SAMD3: variants seen among roughly 807,000 people sequenced by gnomAD.
SAMD3 encodes sterile alpha motif domain-containing protein 3.
Under a neutral mutation model 58.5 loss-of-function variants are expected in SAMD3, and 63 were observed. The ratio of observed to expected loss-of-function variants is 1.08; its 90% CI spans 0.88 to 1.33. SAMD3 has a LOEUF of 1.33. SAMD3 is among the 40% of genes most tolerant of loss of function. The probability of loss-of-function intolerance (pLI) is 0.00; values close to 1 mark genes in which losing one functional copy is unlikely to be tolerated. For missense variants in SAMD3, 604 were observed against 608.4 expected, an observed-to-expected ratio of 0.99 and a Z score of 0.08; for synonymous variants, 220 against 210.3, an observed-to-expected ratio of 1.05 and a Z score of -0.40.
At chr6:130,203,460 C>T (rs374363413) in intron 5 of SAMD3, among the ~76,000 whole-genome samples, 17 of 152,268 alleles carry the variant, frequency 1.1e-4, no homozygotes, top group Admixed American at 7.2e-4. Flanking sequence ...GTTTGACATC[C>T]TGGACTAATA....
chr6:130,315,561 G>A (rs1424394534), intron 1 of SAMD3, among the ~76,000 whole-genome samples: 2 of 152,214 alleles, frequency 1.3e-5, no homozygotes, highest in South Asian at 2.1e-4. Context: ...TGTACTACAC[G>A]AATTTAAATT....
chr6:130,221,063 C>T (rs886452883), intron 1 of SAMD3, among the ~76,000 whole-genome samples: 6 of 151,870 alleles, frequency 4.0e-5, no homozygotes, highest in African/African-American at 9.7e-5. Context: ...ACTGTGTTAG[C>T]CAGGATGGTC....
At chr6:130,349,696 G>A (rs1446047087) in intron 1 of SAMD3, among the ~76,000 whole-genome samples, 1 of 152,204 alleles carries the variant, frequency 6.6e-6, no homozygotes, top group Non-Finnish European at 1.5e-5. Flanking sequence ...TAGAAAAAGA[G>A]GGAATCCTCC....
intron 8 of SAMD3, among the ~76,000 whole-genome samples, chr6:130,165,926 G>T (rs916467425): frequency 4.1e-4 from 62 of 152,054 alleles, no homozygotes; most frequent in Non-Finnish European, 1.0e-4. Flanking sequence ...GATGACATGG[G>T]GATCCAAGGT....
chr6:130,213,323 T>A (rs201637718), intron 4 of SAMD3, among the ~76,000 whole-genome samples: 13,146 of 149,578 alleles, frequency 0.088, 747 homozygotes, highest in African/African-American at 0.15. Context: ...CTTTTTTTTT[T>A]TTAAAAAAAA....
At chr6:130,251,840 A>G (rs982493308) in intron 2 of SAMD3, among the ~76,000 whole-genome samples, 1 of 152,112 alleles carries the variant, frequency 6.6e-6, no homozygotes, top group Non-Finnish European at 1.5e-5. Flanking sequence ...TGTTTTGGCT[A>G]TTCTGGGTCT....
At position 130,195,437 on chromosome 6, in the gene SAMD3, A is replaced by G. The variant is rs533618935; in HGVS notation, c.384-10814T>C. Among the ~76,000 whole-genome samples, 97 of 152,172 alleles carry G rather than the reference A, an allele frequency of 6.4e-4. 1 individual carries two copies. The highest frequency in any genetic ancestry group is 1.2e-3 in the East Asian group (6 of 5,168). On this transcript the variant is annotated intron_variant, in intron 5 of 11. Transcript: ENST00000439090. ...TCCTTACAATTCCCCCATTTTACCT[A>G]TCCTAGAACAAGACAAGCCTTACAA...
intron 2 of SAMD3, among the ~76,000 whole-genome samples, chr6:130,308,501 G>T (rs982367796): frequency 1.3e-5 from 2 of 151,200 alleles, no homozygotes; most frequent in African/African-American, 4.9e-5. Context: ...CAACCTAGAA[G>T]GTTGGGCCAT....
chr6:130,153,129 T>C (rs771500102), intron 9 of SAMD3, among the ~76,000 whole-genome samples: 3 of 152,204 alleles, frequency 2.0e-5, no homozygotes, highest in Non-Finnish European at 4.4e-5. Flanking sequence ...CTGTTAATAT[T>C]AACACGTGCT....
At chr6:130,197,239 T>C (rs1258211102) in intron 5 of SAMD3, among the ~76,000 whole-genome samples, 1 of 152,230 alleles carries the variant, frequency 6.6e-6, no homozygotes, top group African/African-American at 2.4e-5. Flanking sequence ...CAACTTAGAC[T>C]GTGCCCCAAA....
intron 9 of SAMD3, among the ~76,000 whole-genome samples, chr6:130,152,698 A>T (rs747171946): frequency 2.6e-5 from 4 of 152,052 alleles, no homozygotes; most frequent in Non-Finnish European, 5.9e-5. Flanking sequence ...AAATAAATAA[A>T]TAAAACAATC....
At chr6:130,304,169 T>C (rs956523851) in intron 2 of SAMD3, among the ~76,000 whole-genome samples, 1 of 152,164 alleles carries the variant, frequency 6.6e-6, no homozygotes, top group African/African-American at 2.4e-5. Flanking sequence ...TTTGTCAACA[T>C]TGTTGAACAG....
chr6:130,329,274 A>C (rs898437572), intron 1 of SAMD3, among the ~76,000 whole-genome samples: 4 of 152,140 alleles, frequency 2.6e-5, no homozygotes, highest in Admixed American at 6.5e-5. Context: ...AAAAAAAAAA[A>C]AAAAGCCTGG....
chr6:130,224,510 C>T (rs796645606), upstream of SAMD3, among the ~76,000 whole-genome samples: 3 of 152,148 alleles, frequency 2.0e-5, no homozygotes, highest in African/African-American at 7.2e-5. Context: ...GTGACAAATG[C>T]TCATGCTTCT....
chr6:130,198,118 G>A (rs143065114), intron 5 of SAMD3, among the ~76,000 whole-genome samples: 3,095 of 151,912 alleles, frequency 0.02, 100 homozygotes, highest in African/African-American at 0.071. Flanking sequence ...ATCTCTCTTC[G>A]CTGACTCTCT....
intron 5 of SAMD3, among the ~76,000 whole-genome samples, chr6:130,191,346 C>T (rs1300015001): frequency 6.6e-6 from 1 of 152,152 alleles, no homozygotes; most frequent in African/African-American, 2.4e-5. Flanking sequence ...TAATTATCAT[C>T]CCTTTGGGTT....
Position 130,154,943 on chromosome 6 carries a change from C to T in SAMD3, c.905G>A (p.Trp302Ter). The change falls in exon 9 of 12, where the codon TGG becomes TAG. Residue 302 changes from tryptophan (W) to a stop codon, truncating the protein, a stop_gained. Transcript: ENST00000439090. LOFTEE classifies it high-confidence loss of function. ...QQEYVKTEKD[W>*]REIDKRMSQT... ...GCTCATTCTCTTGTCAATTTCTCTC[C>T]AGTCCTTTTCTGTTTTCACGTATTC... 1.2e-6 allele frequency: 2 copies of T among 1,613,426 alleles called. No individual in the cohort carries two copies. Among genetic ancestry groups the T allele is most frequent in the Non-Finnish European group, 1.7e-6 (2 of 1,179,682 alleles).
intron 5 of SAMD3, among the ~76,000 whole-genome samples, chr6:130,188,968 C>A (rs970143605): frequency 6.6e-6 from 1 of 152,146 alleles, no homozygotes; most frequent in Admixed American, 6.5e-5. Flanking sequence ...CAGCTCTGAG[C>A]TTTATGTTGA....
intron 2 of SAMD3, among the ~76,000 whole-genome samples, chr6:130,240,185 G>A (rs1373484459): frequency 2.0e-5 from 3 of 152,266 alleles, no homozygotes; most frequent in African/African-American, 7.2e-5. Flanking sequence ...TCTGGCCTTA[G>A]CTCTGGAAGG....
Sources: allele counts gnomAD v4.1 joint callset (sites outside exome capture counted in the v4.1 genomes callset), GRCh38; gene constraint gnomAD v4.1.1; transcripts MANE v1.5; gene names NCBI Gene and HGNC (gene_info 2026-07-23, HGNC 2026-07-21).